Variants in NRXN3 observed in about 807,000 individuals in gnomAD.
NRXN3 encodes neurexin 3.
Under a neutral mutation model 137.6 loss-of-function variants are expected in NRXN3, and 32 were observed. The observed-to-expected ratio is 0.23, with a 90% CI of 0.18 to 0.31. The LOEUF (loss-of-function observed/expected upper bound fraction) is 0.31. Among genes scored for constraint, NRXN3 ranks in the 10% least tolerant of loss-of-function variants. The probability of loss-of-function intolerance (pLI) is 1.00; values close to 1 mark genes in which losing one functional copy is unlikely to be tolerated. For missense variants in NRXN3, 1,574 were observed against 2,062.5 expected, an observed-to-expected ratio of 0.76 and a Z score of 4.59; for synonymous variants, 798 against 784.5, an observed-to-expected ratio of 1.02 and a Z score of -0.29.
chr14:79,400,434 A>G (rs1278411565), intron 15 of NRXN3, among the ~76,000 whole-genome samples: 1 of 152,160 alleles, frequency 6.6e-6, no homozygotes, highest in African/African-American at 2.4e-5. Flanking sequence ...TATCCTCACA[A>G]CAGCCTTTGC....
chr14:78,365,807 C>G (rs557530605), intron 4 of NRXN3, among the ~76,000 whole-genome samples: 1 of 152,326 alleles, frequency 6.6e-6, no homozygotes, highest in African/African-American at 2.4e-5. Context: ...AGGCACTCTT[C>G]TTGGCTCTGG....
At chr14:78,309,018 G>A (rs186483480) in intron 4 of NRXN3, among the ~76,000 whole-genome samples, 34 of 152,226 alleles carry the variant, frequency 2.2e-4, no homozygotes, top group Non-Finnish European at 3.8e-4. Flanking sequence ...CTATGAAGTT[G>A]ATGAAAGGAC....
intron 15 of NRXN3, among the ~76,000 whole-genome samples, chr14:79,395,128 G>A (rs1367546225): frequency 1.3e-5 from 2 of 152,184 alleles, no homozygotes; most frequent in African/African-American, 2.4e-5. Context: ...GTGGAGCATT[G>A]TGCTAATTGC....
Position 78,326,871 on chromosome 14 carries a change from G to A in NRXN3, c.757+29011G>A, listed in dbSNP as rs548624782. Among the ~76,000 whole-genome samples the A allele has an allele frequency of 1.4e-4, 21 of 149,078 alleles. No homozygotes were observed. In the South Asian group the frequency reaches 4.2e-3, roughly 30 times the overall value. On this transcript the variant is annotated intron_variant, in intron 4 of 20. Transcript: ENST00000335750. ...TTGTGAACAGAATGGATCTGAATTCGAATCCAGTTAGTCTGCTTACTCACA... is the reference window on the plus strand; with the variant it reads ...TTGTGAACAGAATGGATCTGAATTCAAATCCAGTTAGTCTGCTTACTCACA...
At chr14:79,085,574 AAATC>A (rs1359443709) in intron 15 of NRXN3, among the ~76,000 whole-genome samples, 3 of 152,188 alleles carry the variant, frequency 2.0e-5, no homozygotes, top group Non-Finnish European at 4.4e-5. Flanking sequence ...TCCTAGATAT[AAATC>A]AATAATTTTC....
chr14:79,464,611 G>T (rs1047386361), intron 15 of NRXN3, among the ~76,000 whole-genome samples: 3 of 152,086 alleles, frequency 2.0e-5, no homozygotes, highest in Non-Finnish European at 4.4e-5. Context: ...TGCCAAATTT[G>T]GGGGCTGTGA....
chr14:78,241,630 A>G (rs1010840910), intron 1 of NRXN3, among the ~76,000 whole-genome samples: 6 of 152,242 alleles, frequency 3.9e-5, no homozygotes, highest in Non-Finnish European at 7.4e-5. Context: ...GAAAAAAAAA[A>G]AAAGGCTTAT....
At chr14:78,726,402 A>G (rs1362711971) in intron 8 of NRXN3, among the ~76,000 whole-genome samples, 2 of 148,328 alleles carry the variant, frequency 1.3e-5, no homozygotes, top group Non-Finnish European at 3.0e-5. Flanking sequence ...ATGTGTTCTC[A>G]TTTTTCAACT....
At chr14:79,708,896 A>C (rs1417020313) in intron 19 of NRXN3, among the ~76,000 whole-genome samples, 1 of 152,098 alleles carries the variant, frequency 6.6e-6, no homozygotes, top group Non-Finnish European at 1.5e-5. Flanking sequence ...TCACTGAGAG[A>C]ATTACTTGAT....
intron 20 of NRXN3, among the ~76,000 whole-genome samples, chr14:79,846,209 G>A (rs1027223923): frequency 6.6e-6 from 1 of 152,138 alleles, no homozygotes; most frequent in African/African-American, 2.4e-5. Flanking sequence ...TGCCAGAAAC[G>A]TTCAATTTAT....
intron 15 of NRXN3, among the ~76,000 whole-genome samples, chr14:79,376,208 GTGTA>G (rs2094282620): frequency 9.4e-5 from 4 of 42,638 alleles, no homozygotes; most frequent in African/African-American, 4.1e-4. Context: ...GTGTGTGTGT[GTGTA>G]TGTATATATA....
intron 15 of NRXN3, among the ~76,000 whole-genome samples, chr14:79,441,021 A>G (rs888658807): frequency 5.9e-5 from 9 of 152,320 alleles, no homozygotes; most frequent in African/African-American, 1.9e-4. Context: ...TAACCCAACA[A>G]CTCTGATAAT....
intron 4 of NRXN3, among the ~76,000 whole-genome samples, chr14:78,534,493 A>G (rs751476672): frequency 1.3e-5 from 2 of 152,222 alleles, no homozygotes; most frequent in African/African-American, 4.8e-5. Context: ...CCAATCTATA[A>G]CGAATATTCT....
chr14:78,416,686 C>G (rs1006808236), intron 4 of NRXN3, among the ~76,000 whole-genome samples: 1 of 152,174 alleles, frequency 6.6e-6, no homozygotes, highest in Non-Finnish European at 1.5e-5. Flanking sequence ...GGCTTTTGCT[C>G]TAGCACCGAA....
At chr14:78,414,456 A>C (rs1428895316) in intron 4 of NRXN3, among the ~76,000 whole-genome samples, 1 of 152,170 alleles carries the variant, frequency 6.6e-6, no homozygotes, top group African/African-American at 2.4e-5. Context: ...TTAGACGGGC[A>C]AGTTGGCTGC....
intron 15 of NRXN3, among the ~76,000 whole-genome samples, chr14:79,085,999 T>C (rs2048021512): frequency 1.3e-5 from 2 of 152,156 alleles, no homozygotes; most frequent in South Asian, 2.1e-4. Context: ...GATTGATGCA[T>C]AATTAAGATC....
intron 1 of NRXN3, among the ~76,000 whole-genome samples, chr14:78,172,561 A>G (rs749818096): frequency 4.0e-5 from 6 of 151,078 alleles, no homozygotes; most frequent in Admixed American, 2.6e-4. Context: ...CTATTGTTTG[A>G]TTTTTTGTTG....
At chr14:78,795,693 C>A (rs1374487945) in intron 8 of NRXN3, among the ~76,000 whole-genome samples, 3 of 151,902 alleles carry the variant, frequency 2.0e-5, no homozygotes, top group African/African-American at 7.3e-5. Context: ...TTTTTAATAG[C>A]CAAAAATAGA....
chr14:79,768,590 C>G (rs958894229), intron 19 of NRXN3, among the ~76,000 whole-genome samples: 8 of 152,164 alleles, frequency 5.3e-5, no homozygotes, highest in African/African-American at 1.4e-4. Flanking sequence ...AACTAACAAA[C>G]AGAAAGGACA....
Sources: allele counts gnomAD v4.1 joint callset (sites outside exome capture counted in the v4.1 genomes callset), GRCh38; gene constraint gnomAD v4.1.1; transcripts MANE v1.5; gene names NCBI Gene and HGNC (gene_info 2026-07-23, HGNC 2026-07-21).